Variants in CAV3 observed in about 807,000 individuals in gnomAD.
CAV3 encodes the protein caveolin 3, also known as caveolin-3.
In CAV3, 10 loss-of-function variants were observed where a neutral mutation model predicts 13.4. The observed-to-expected ratio is 0.75, with a 90% CI of 0.46 to 1.27. The LOEUF is 1.27. Among genes scored for constraint, CAV3 ranks in the 50% most tolerant of loss-of-function variants. The probability of loss-of-function intolerance (pLI) is 0.00; values close to 1 mark genes in which losing one functional copy is unlikely to be tolerated. For synonymous variants in CAV3, 90 were observed against 79.0 expected (o/e 1.14, Z -0.74); for missense variants, 162 against 194.0 (o/e 0.83, Z 0.98).
intron 1 of CAV3, among the ~76,000 whole-genome samples, chr3:8,739,765 A>G (rs1248466070): frequency 6.6e-6 from 1 of 152,190 alleles, no homozygotes; most frequent in African/African-American, 2.4e-5. Flanking sequence ...AATTGTGAGT[A>G]ACAAATCATT....
chr3:8,735,620 A>G (rs944334855), intron 1 of CAV3, among the ~76,000 whole-genome samples: 1 of 152,192 alleles, frequency 6.6e-6, no homozygotes, highest in African/African-American at 2.4e-5. Flanking sequence ...ACAGGCCTGT[A>G]TTGCGGTCTT....
At chr3:8,735,227 C>G (rs1707711245) in intron 1 of CAV3, among the ~76,000 whole-genome samples, 1 of 152,230 alleles carries the variant, frequency 6.6e-6, no homozygotes, top group Admixed American at 6.5e-5. Context: ...CGAAAGCAAA[C>G]AGGTGAAATT....
chr3:8,740,457 C>G (rs975452358), intron 1 of CAV3, among the ~76,000 whole-genome samples: 1 of 152,162 alleles, frequency 6.6e-6, no homozygotes, highest in Non-Finnish European at 1.5e-5. Flanking sequence ...TTCTTGAAGG[C>G]AGAGATTGAG....
Position 8,733,860 on chromosome 3 carries a change from A to T in CAV3, c.-17A>T. ...ACACAGCTCGGATCTCCTCCTGTGG[A>T]TCCCCCCAGCTCTGCGATGATGGCA... On this transcript the variant is annotated 5_prime_UTR_variant, in exon 1 of 2. Coordinates refer to ENST00000343849, the MANE Select transcript of CAV3 (RefSeq NM_033337.3). 1 of 1,522,778 alleles carries T rather than the reference A, an allele frequency of 6.6e-7. No homozygotes were observed. Among genetic ancestry groups the T allele is most frequent in the South Asian group, 1.1e-5 (1 of 89,266 alleles). 94.3% of individuals were successfully genotyped at this position (1,522,778 alleles called of 1,614,324 possible).
chr3:8,744,992 A>C (rs1398487693), intron 1 of CAV3: 1 of 155,926 alleles, frequency 6.4e-6, no homozygotes, highest in African/African-American at 2.4e-5. Context: ...TGGGGCGATG[A>C]TATGGTCTGG....
chr3:8,746,043 G>A lies in CAV3; in HGVS notation c.*176G>A, dbSNP rs1708151680. On this transcript the variant is annotated 3_prime_UTR_variant, in exon 2 of 2. Transcript: ENST00000343849. ...AAGAAAAGACGGCCCAGCCACAGAA[G>A]CACAATGGCCCTTCGCTCTCCCCCA... 5.0e-6 allele frequency: 3 copies of A among 596,726 alleles called. No homozygotes were observed. Among genetic ancestry groups the A allele is most frequent in the African/African-American group, 1.9e-5 (1 of 53,810 alleles). The allele number at this position is 596,726 out of a possible 1,614,324, so 37.0% of individuals were successfully genotyped here. A position where few individuals can be genotyped will look rare whatever the true frequency, so the allele number is the denominator to read the frequency against.
intron 1 of CAV3, among the ~76,000 whole-genome samples, chr3:8,738,881 T>C (rs1707848793): frequency 1.3e-5 from 2 of 152,164 alleles, no homozygotes; most frequent in Non-Finnish European, 2.9e-5. Flanking sequence ...CAGCTAGTCA[T>C]AGTGGGTACA....
At position 8,735,889 on chromosome 3, in the gene CAV3, G is replaced by C. The variant is rs144219116; in HGVS notation, c.114+1899G>C. 4.7e-4 allele frequency among the ~76,000 whole-genome samples: 71 copies of C among 152,290 alleles called. No homozygotes were observed. The Middle Eastern group carries it at 0.01, about 22-fold the overall frequency. On this transcript the variant is annotated intron_variant, in intron 1 of 1. Transcript: ENST00000343849. Reference sequence around the variant, plus strand: ...CTTCCCTGACTCCTCCAGGCAATTAGTTGCTCCCACTTCTGTCCCCCTGCT... The same window carrying C: ...CTTCCCTGACTCCTCCAGGCAATTACTTGCTCCCACTTCTGTCCCCCTGCT...
At chr3:8,739,888 C>A (rs546732766) in intron 1 of CAV3, among the ~76,000 whole-genome samples, 15 of 152,278 alleles carry the variant, frequency 9.9e-5, no homozygotes, top group African/African-American at 3.6e-4. Context: ...TCTCATGCAG[C>A]TACAGTCAGA....
At chr3:8,737,857 G>T (rs1259953507) in intron 1 of CAV3, among the ~76,000 whole-genome samples, 2 of 151,996 alleles carry the variant, frequency 1.3e-5, no homozygotes, top group Non-Finnish European at 2.9e-5. Flanking sequence ...TCAACCTTCA[G>T]ACCCAGGTTG....
intron 1 of CAV3, among the ~76,000 whole-genome samples, chr3:8,740,185 G>A (rs1269521495): frequency 6.6e-6 from 1 of 152,198 alleles, no homozygotes; most frequent in East Asian, 1.9e-4. Context: ...CCTAAAAGCA[G>A]AAGGTGCTAG....
At position 8,745,114 on chromosome 3, in the gene CAV3, C is replaced by A; in HGVS notation, c.115-412C>A. 1 of 211,504 alleles carries A rather than the reference C, an allele frequency of 4.7e-6. No homozygotes were observed. The highest frequency in any genetic ancestry group is 1.1e-4 in the East Asian group (1 of 8,884). The allele number at this position is 211,504 out of a possible 1,614,324, so 13.1% of individuals were successfully genotyped here. On this transcript the variant is annotated intron_variant, in intron 1 of 1. Coordinates refer to ENST00000343849, the MANE Select transcript of CAV3 (RefSeq NM_033337.3). The surrounding 1 kb of genome is among the most constrained non-coding windows in gnomAD (Gnocchi z 4.8). ...CAGATCCCTCGTGGCTTAGTGCTGTCCTCACAATAGTGGGAGAGTTCTCAT... is the reference window on the plus strand; with the variant it reads ...CAGATCCCTCGTGGCTTAGTGCTGTACTCACAATAGTGGGAGAGTTCTCAT...
At position 8,734,429 on chromosome 3, in the gene CAV3, G is replaced by A. The variant is rs577493236; in HGVS notation, c.114+439G>A. Among the ~76,000 whole-genome samples, 27 of 152,274 alleles carry A rather than the reference G, an allele frequency of 1.8e-4. No individual in the cohort carries two copies. In the South Asian group the frequency reaches 4.1e-3, roughly 23 times the overall value. ...CCAGAGGGCAGCTTCCAGCAGGGCCGGCAGCCCCTCGAGGTACACTCACTC... is the reference window on the plus strand; with the variant it reads ...CCAGAGGGCAGCTTCCAGCAGGGCCAGCAGCCCCTCGAGGTACACTCACTC... On this transcript the variant is annotated intron_variant, in intron 1 of 1. Transcript: ENST00000343849.
rs556362366 is a variant in CAV3, at chr3:8,746,212, C to T, written c.*345C>T. 2 of 220,846 alleles carry T rather than the reference C, an allele frequency of 9.1e-6. No individual in the cohort carries two copies. The highest frequency in any genetic ancestry group is 2.1e-4 in the South Asian group (2 of 9,484). The allele number at this position is 220,846 out of a possible 1,614,324, so 13.7% of individuals were successfully genotyped here. A position where few individuals can be genotyped will look rare whatever the true frequency, so the allele number is the denominator to read the frequency against. On this transcript the variant is annotated 3_prime_UTR_variant, in exon 2 of 2. Coordinates refer to ENST00000343849, the MANE Select transcript of CAV3 (RefSeq NM_033337.3). ...CCCGGGGCCAACCTCTCCACGCGCA[C>T]TCAGGAAAGTGACCAGTGACCACTG... is the stretch of plus-strand genomic sequence containing the variant.
Position 8,745,615 on chromosome 3 carries a change from CA to C in CAV3, c.206del (p.Lys69SerfsTer43). 1 of 1,614,134 alleles carries C rather than the reference CA, an allele frequency of 6.2e-7. No individual in the cohort carries two copies. On this transcript the variant is annotated frameshift_variant, in exon 2 of 2. Transcript: ENST00000343849. LOFTEE classifies it high-confidence loss of function. The surrounding 1 kb of genome is among the most constrained non-coding windows in gnomAD (Gnocchi z 4.8). ...TGAGCTACACCACCTTCACTGTCTCCAAGTACTGGTGCTACCGTCTGTTGTC... is the reference window on the plus strand; with the variant it reads ...TGAGCTACACCACCTTCACTGTCTCCAGTACTGGTGCTACCGTCTGTTGTC... ...KVSYTTFTVS[K>X]YWCYRLLSTL... is the part of the protein sequence containing the mutation.
chr3:8,739,880 T>C (rs1453497031), intron 1 of CAV3, among the ~76,000 whole-genome samples: 1 of 152,182 alleles, frequency 6.6e-6, no homozygotes, highest in Non-Finnish European at 1.5e-5. Context: ...TGGGGGCCTC[T>C]CATGCAGCTA....
intron 1 of CAV3, among the ~76,000 whole-genome samples, chr3:8,736,020 C>T (rs10490800): frequency 0.098 from 14,933 of 152,162 alleles, 900 homozygotes; most frequent in African/African-American, 0.16. Flanking sequence ...AGTGTGAAAG[C>T]TGAAATGAGG....
chr3:8,736,128 C>A (rs1707745297), intron 1 of CAV3, among the ~76,000 whole-genome samples: 1 of 152,188 alleles, frequency 6.6e-6, no homozygotes, highest in South Asian at 2.1e-4. Flanking sequence ...CCATCAGTGT[C>A]ATCTAGCAGG....
intron 1 of CAV3, chr3:8,744,714 T>A (rs1039187296): frequency 1.3e-5 from 2 of 152,156 alleles, no homozygotes; most frequent in African/African-American, 4.8e-5. Context: ...CACCATCCAA[T>A]CCACAGGTGC....
Sources: gnomAD v4.1 joint callset for allele counts (sites outside exome capture counted in the v4.1 genomes callset) on GRCh38, gnomAD v4.1.1 for gene constraint, Gnocchi (gnomAD v3.1) non-coding constraint, MANE v1.5 for transcripts, NCBI Gene and HGNC (gene_info 2026-07-23, HGNC 2026-07-21) for gene names.